SUMF1: variants seen among roughly 807,000 people sequenced by gnomAD.
SUMF1 encodes formylglycine-generating enzyme.
A neutral mutation model predicts 47.6 loss-of-function variants in SUMF1; 48 were observed. That is an observed-to-expected ratio of 1.01 (90% CI 0.80 to 1.28). The LOEUF (loss-of-function observed/expected upper bound fraction) is 1.28, where lower values mean the gene tolerates loss of function less well. Ranked by LOEUF, SUMF1 falls within the 50% of genes most tolerant of loss-of-function variation. The pLI is 0.00. For missense variants in SUMF1, 571 were observed against 485.4 expected (o/e 1.18, Z -1.66); for synonymous variants, 230 against 192.1 (o/e 1.20, Z -1.63).
chr3:4,102,010 A>T (rs1174016459), intron 8 of SUMF1, among the ~76,000 whole-genome samples: 1 of 152,126 alleles, frequency 6.6e-6, no homozygotes, highest in Non-Finnish European at 1.5e-5. Flanking sequence ...CCCGTAAAAA[A>T]GCATCAGATC....
intron 8 of SUMF1, among the ~76,000 whole-genome samples, chr3:4,296,455 A>G (rs1401289973): frequency 7.8e-6 from 1 of 127,706 alleles, no homozygotes; most frequent in Admixed American, 7.6e-5. Context: ...AAAGAGGTTT[A>G]ATGGACTCAC....
At chr3:4,190,502 A>T (rs886105056) in intron 8 of SUMF1, among the ~76,000 whole-genome samples, 2 of 143,310 alleles carry the variant, frequency 1.4e-5, no homozygotes, top group Non-Finnish European at 2.9e-5. Flanking sequence ...AAGACTGAGG[A>T]ATGCATTATT....
chr3:4,344,381 G>A (rs945194795), intron 8 of SUMF1, among the ~76,000 whole-genome samples: 3 of 152,122 alleles, frequency 2.0e-5, no homozygotes, highest in African/African-American at 7.2e-5. Flanking sequence ...AGGCACAGGA[G>A]CAAATCAGAC....
intron 6 of SUMF1, among the ~76,000 whole-genome samples, chr3:4,416,208 T>C (rs1025448963): frequency 1.3e-5 from 2 of 152,164 alleles, no homozygotes; most frequent in African/African-American, 2.4e-5. Context: ...GAAAGTTTTC[T>C]AGACTTTGAA....
At chr3:4,367,221 G>T (rs545403352) in intron 8 of SUMF1, among the ~76,000 whole-genome samples, 3 of 152,114 alleles carry the variant, frequency 2.0e-5, no homozygotes, top group Non-Finnish European at 4.4e-5. Context: ...CTCCAGCTGC[G>T]TGCTGGGAGA....
chr3:4,283,425 T>C (rs980743037), intron 8 of SUMF1, among the ~76,000 whole-genome samples: 3 of 152,224 alleles, frequency 2.0e-5, no homozygotes, highest in African/African-American at 4.8e-5. Context: ...CTCCAACCCA[T>C]GTGAAATTTC....
chr3:4,363,215 C>A (rs1559245851), intron 8 of SUMF1, among the ~76,000 whole-genome samples: 1 of 151,972 alleles, frequency 6.6e-6, no homozygotes, highest in Non-Finnish European at 1.5e-5. Context: ...CATTTAATAC[C>A]TAAATAATAT....
intron 8 of SUMF1, among the ~76,000 whole-genome samples, chr3:4,147,019 A>T (rs1046495696): frequency 6.6e-6 from 1 of 152,162 alleles, no homozygotes; most frequent in Non-Finnish European, 1.5e-5. Context: ...GGATATGAAC[A>T]GACACTTCTC....
intron 8 of SUMF1, among the ~76,000 whole-genome samples, chr3:4,145,969 G>C (rs1366726580): frequency 6.6e-6 from 1 of 152,032 alleles, no homozygotes; most frequent in African/African-American, 2.4e-5. Flanking sequence ...ATTTCACCAT[G>C]AGCTAACAGA....
At chr3:4,043,004 G>A (rs1454266774) in intron 9 of SUMF1, among the ~76,000 whole-genome samples, 5 of 152,074 alleles carry the variant, frequency 3.3e-5, no homozygotes, top group Non-Finnish European at 4.4e-5. Flanking sequence ...TGTCTCCTCT[G>A]ACTTCAGGTT....
At chr3:4,039,800 C>T (rs962280064) in intron 9 of SUMF1, among the ~76,000 whole-genome samples, 5 of 152,058 alleles carry the variant, frequency 3.3e-5, no homozygotes, top group African/African-American at 1.2e-4. Flanking sequence ...GCAGGAGGAT[C>T]ACTTGATGCC....
intron 9 of SUMF1, among the ~76,000 whole-genome samples, chr3:4,038,648 T>C (rs957302122): frequency 2.6e-5 from 4 of 152,080 alleles, no homozygotes; most frequent in African/African-American, 7.2e-5. Flanking sequence ...TAGTCTACTC[T>C]CCATATGGTG....
intron 8 of SUMF1, chr3:4,303,264 A>G (rs1698019123): frequency 7.9e-7 from 1 of 1,273,196 alleles, no homozygotes; most frequent in Non-Finnish European, 1.0e-6. Flanking sequence ...CTGAGAAGAA[A>G]CGAACTACAA....
intron 3 of SUMF1, among the ~76,000 whole-genome samples, chr3:4,447,189 A>AT (rs201195071): frequency 1.3e-5 from 2 of 152,186 alleles, no homozygotes; most frequent in African/African-American, 2.4e-5. Context: ...CCAAAAAAAG[A>AT]TTTTTTTAAA....
Position 4,418,052 on chromosome 3 carries a change from TCCGTGGGCAGCCGCTTCCCTGCCCAAGTG to T in SUMF1, c.654_682del (p.Cys218Ter). The T allele has an allele frequency of 6.2e-7, 1 of 1,614,076 alleles. No individual in the cohort carries two copies. Among genetic ancestry groups the T allele is most frequent in the South Asian group, 1.1e-5 (1 of 91,080 alleles). On this transcript the variant is annotated stop_gained and frameshift_variant, in exon 5 of 9. Transcript: ENST00000272902. LOFTEE classifies it high-confidence loss of function. ...TCGACAGCTGTATTCCCACTCAGCTTCCGTGGGCAGCCGCTTCCCTGCCCAAGTGCAGTAGGCAACCGCATCATTCCAGG... is the reference window on the plus strand; with the variant it reads ...TCGACAGCTGTATTCCCACTCAGCTTCAGTAGGCAACCGCATCATTCCAGG...
At chr3:4,416,467 C>G (rs1245332390) in intron 6 of SUMF1, among the ~76,000 whole-genome samples, 1 of 152,138 alleles carries the variant, frequency 6.6e-6, no homozygotes, top group African/African-American at 2.4e-5. Flanking sequence ...AATACTGTAT[C>G]CAGTCTTACC....
rs564362241 is a variant in SUMF1 at position 4,182,386 on chromosome 3, AATTAT to A, written c.1015-113646_1015-113642del. 1.5e-4 allele frequency among the ~76,000 whole-genome samples: 22 copies of A among 149,068 alleles called. No homozygotes were observed. The East Asian group carries it at 2.7e-3, about 18-fold the overall frequency. The stretch of plus-strand genomic sequence containing the variant: ...AACTTCCAAGTTATATCTATTAATA[AATTAT>A]ATTATAATTTATTTATATTATTTTA... On this transcript the variant is annotated intron_variant and NMD_transcript_variant, in intron 8 of 12. Transcript: ENST00000448413.
In SUMF1 at chr3:4,418,064, C is replaced by T. The variant is rs1357644781; in HGVS notation, c.671G>A (p.Arg224Gln). ...AVAYCTWAGK[R>Q]LPTEAEWEYS... ...TTCCCACTCAGCTTCCGTGGGCAGC[C>T]GCTTCCCTGCCCAAGTGCAGTAGGC... is the stretch of plus-strand genomic sequence containing the variant. The change falls in exon 5 of 9, where the codon CGG becomes CAG. Residue 224 changes from arginine to glutamine, a missense_variant. Transcript: ENST00000272902. 9.3e-6 allele frequency: 15 copies of T among 1,614,030 alleles called. No individual in the cohort carries two copies. Among genetic ancestry groups the T allele is most frequent in the Admixed American group, 3.3e-5 (2 of 60,020 alleles).
intron 9 of SUMF1, among the ~76,000 whole-genome samples, chr3:4,055,247 T>C (rs969010578): frequency 6.6e-6 from 1 of 152,114 alleles, no homozygotes; most frequent in African/African-American, 2.4e-5. Context: ...AAAAAGCAGA[T>C]TGTAAAACAA....
Sources: gnomAD v4.1 joint callset for allele counts (sites outside exome capture counted in the v4.1 genomes callset) on GRCh38, gnomAD v4.1.1 for gene constraint, MANE v1.5 for transcripts, NCBI Gene and HGNC (gene_info 2026-07-23, HGNC 2026-07-21) for gene names.